Variants in COL14A1 observed in about 807,000 individuals in gnomAD.
The protein encoded by COL14A1 is collagen alpha-1(XIV) chain.
In COL14A1, 136 loss-of-function variants were observed where a neutral mutation model predicts 230.3. That is an observed-to-expected ratio of 0.59 (90% CI 0.51 to 0.68). COL14A1 has a LOEUF of 0.68. Among genes scored for constraint, COL14A1 ranks in the 30% least tolerant of loss-of-function variants. The pLI, the probability that COL14A1 is intolerant of heterozygous loss-of-function variation, is 0.00. For missense variants in COL14A1, 1,976 were observed against 2,215.8 expected, an observed-to-expected ratio of 0.89 and a Z score of 2.17; for synonymous variants, 792 against 784.1, an observed-to-expected ratio of 1.01 and a Z score of -0.17.
At chr8:120,308,149 C>G (rs1820909738) in intron 36 of COL14A1, among the ~76,000 whole-genome samples, 2 of 152,068 alleles carry the variant, frequency 1.3e-5, no homozygotes, top group South Asian at 4.1e-4. Context: ...ACTCAGCTAA[C>G]TTTTGTATTT....
chr8:120,237,741 T>C (rs1373110334), intron 19 of COL14A1, among the ~76,000 whole-genome samples: 3 of 152,222 alleles, frequency 2.0e-5, no homozygotes, highest in Non-Finnish European at 2.9e-5. Context: ...TTTTCTCATC[T>C]TTCTGGATTT....
At chr8:120,371,099 C>A in intron 47 of COL14A1, 53 bp from the exon 48 acceptor site, 1 of 1,442,692 alleles carries the variant, frequency 6.9e-7, no homozygotes, top group South Asian at 1.3e-5. Flanking sequence ...GGGAGAATAT[C>A]AATTTATGAT....
chr8:120,214,583 T>C (rs1216630796), intron 13 of COL14A1, among the ~76,000 whole-genome samples: 2 of 152,202 alleles, frequency 1.3e-5, no homozygotes, highest in African/African-American at 4.8e-5. Context: ...TAGTAAGATG[T>C]TTATTTTTAT....
intron 45 of COL14A1, among the ~76,000 whole-genome samples, chr8:120,354,693 TTG>T (rs1227191133): frequency 6.6e-6 from 1 of 152,134 alleles, no homozygotes; most frequent in African/African-American, 2.4e-5. Flanking sequence ...CTTACACAGA[TTG>T]TAATAGAGAA....
intron 40 of COL14A1, among the ~76,000 whole-genome samples, chr8:120,319,522 C>T (rs536929197): frequency 6.6e-6 from 1 of 152,214 alleles, no homozygotes; most frequent in African/African-American, 2.4e-5. Context: ...AAGCGCAAAC[C>T]AGGTGCCATC....
intron 36 of COL14A1, among the ~76,000 whole-genome samples, chr8:120,307,725 C>T (rs1432900477): frequency 6.6e-6 from 1 of 152,098 alleles, no homozygotes; most frequent in African/African-American, 2.4e-5. Context: ...GGTATATTTT[C>T]AGCAATCAGG....
rs774075707 is a variant in COL14A1, at chr8:120,247,698, G to A, written c.2565G>A (p.Pro855=). 3.9e-5 allele frequency: 63 copies of A among 1,614,014 alleles called. No homozygotes were observed. In the Admixed American group the frequency reaches 4.0e-4, roughly 10 times the overall value. ...LRITWDPPSS[P]VKGYRIVYKP... ...TTACGTGGGACCCCCCATCTTCCCC[G>A]GTGAAAGGCTATAGAATTGTCTACA... is the stretch of plus-strand genomic sequence containing the variant. The change falls in exon 21 of 48, where the codon CCG becomes CCA. Residue 855 remains proline, a synonymous_variant. Coordinates refer to ENST00000297848, the MANE Select transcript of COL14A1 (RefSeq NM_021110.4).
intron 1 of COL14A1, among the ~76,000 whole-genome samples, chr8:120,135,072 A>G (rs1439150807): frequency 3.6e-4 from 55 of 152,226 alleles, no homozygotes. Context: ...AAGACAGCTT[A>G]AGTAAATGAA....
chr8:120,191,899 T>C (rs1209035344), intron 5 of COL14A1, among the ~76,000 whole-genome samples: 1 of 152,124 alleles, frequency 6.6e-6, no homozygotes, highest in Admixed American at 6.5e-5. Context: ...ATTTGCTTGG[T>C]AGATCTTCCT....
intron 38 of COL14A1, 56 bp from the exon 39 acceptor site, chr8:120,315,476 GA>G (rs1310655318): frequency 7.1e-7 from 1 of 1,414,982 alleles, no homozygotes; most frequent in African/African-American, 1.4e-5. Flanking sequence ...AGAAGGAAAA[GA>G]AAACGCTAAG....
intron 17 of COL14A1, among the ~76,000 whole-genome samples, chr8:120,227,761 T>G (rs1818145476): frequency 3.3e-5 from 5 of 152,200 alleles, no homozygotes; most frequent in Admixed American, 3.3e-4. Context: ...TTTCTGGAAT[T>G]TTCCAAGTTG....
At chr8:120,168,299 C>T (rs1489032961) in intron 5 of COL14A1, 52 bp downstream of exon 5, 4 of 1,299,970 alleles carry the variant, frequency 3.1e-6, no homozygotes, top group Admixed American at 3.6e-5. Flanking sequence ...GTTTTAATTA[C>T]ACAGGCAATA....
chr8:120,298,613 A>ATATATATG (rs1820606709), intron 35 of COL14A1, among the ~76,000 whole-genome samples: 1 of 78,960 alleles, frequency 1.3e-5, no homozygotes, highest in South Asian at 3.5e-4. Context: ...ATATATATAT[A>ATATATATG]TATATATATA....
intron 31 of COL14A1, 48 bp downstream of exon 31, chr8:120,281,107 C>T (rs1281364455): frequency 6.5e-7 from 1 of 1,537,864 alleles, no homozygotes; most frequent in Non-Finnish European, 8.8e-7. Flanking sequence ...TTTATTATAT[C>T]TCACTGTGAA....
intron 5 of COL14A1, among the ~76,000 whole-genome samples, chr8:120,170,164 C>T (rs1816050076): frequency 6.6e-6 from 1 of 151,784 alleles, no homozygotes; most frequent in Non-Finnish European, 1.5e-5. Context: ...ATTTTTATAG[C>T]TCCTCTTGAT....
intron 42 of COL14A1, among the ~76,000 whole-genome samples, chr8:120,334,978 G>T (rs188638984): frequency 1.3e-5 from 2 of 152,312 alleles, no homozygotes; most frequent in East Asian, 1.9e-4. Context: ...GACAATAAAC[G>T]TATTTGTGCA....
At chr8:120,136,643 T>C (rs1277850858) in intron 1 of COL14A1, among the ~76,000 whole-genome samples, 2 of 152,034 alleles carry the variant, frequency 1.3e-5, no homozygotes, top group Non-Finnish European at 2.9e-5. Flanking sequence ...TTTTTATTTT[T>C]TGTGATGCTG....
intron 20 of COL14A1, among the ~76,000 whole-genome samples, chr8:120,245,189 G>A (rs1384073387): frequency 6.6e-6 from 1 of 152,160 alleles, no homozygotes; most frequent in East Asian, 1.9e-4. Context: ...AGCCCCCACT[G>A]TCTATGATAT....
Position 120,278,155 on chromosome 8 carries a change from A to T in COL14A1, c.3258A>T (p.Lys1086Asn), listed in dbSNP as rs377479337. ...CTGATGATCCCAGAACAGAATTTAA[A>T]CTAAATGCTTACAAAACCAAAGAGA... is the stretch of plus-strand genomic sequence containing the variant. Reference protein sequence around the residue: ...QFTDDPRTEFKLNAYKTKETL... With the variant: ...QFTDDPRTEFNLNAYKTKETL... The change falls in exon 27 of 48, where the codon AAA becomes AAT. Residue 1086 changes from lysine to asparagine, a missense_variant. This residue lies in a region of COL14A1 where 1,791 missense variants were observed against 2,019.5 expected (regional missense o/e 0.89). Transcript: ENST00000297848. The T allele has an allele frequency of 1.1e-5, 18 of 1,611,720 alleles. No homozygotes were observed. In the African/African-American group the frequency reaches 1.9e-4, roughly 17 times the overall value.
Sources: allele counts gnomAD v4.1 joint callset (sites outside exome capture counted in the v4.1 genomes callset), GRCh38; gene constraint gnomAD v4.1.1; regional missense constraint gnomAD v4.1.1; transcripts MANE v1.5; gene names NCBI Gene and HGNC (gene_info 2026-07-23, HGNC 2026-07-21).